MID1: variants seen among roughly 807,000 people sequenced by gnomAD.
MID1 encodes the protein E3 ubiquitin-protein ligase Midline-1.
In MID1, 7 loss-of-function variants were observed where a neutral mutation model predicts 40.4. The ratio of observed to expected loss-of-function variants is 0.17; its 90% confidence interval spans 0.10 to 0.33. The LOEUF (loss-of-function observed/expected upper bound fraction) is 0.33. Among genes scored for constraint, MID1 ranks in the 10% least tolerant of loss-of-function variants. The pLI, the probability that MID1 is intolerant of heterozygous loss-of-function variation, is 1.00. For missense variants in MID1, 367 were observed against 558.5 expected, an observed-to-expected ratio of 0.66 and a Z score of 3.46; for synonymous variants, 229 against 221.2, an observed-to-expected ratio of 1.04 and a Z score of -0.31.
At chrX:10,700,572 C>T (rs1278628706) in intron 1 of MID1, among the ~76,000 whole-genome samples, 7 of 111,328 alleles carry the variant, frequency 6.3e-5, no homozygotes, top group Middle Eastern at 4.6e-3. Context: ...AAAAAGAAGA[C>T]GATAGAATAA....
At chrX:10,822,268 T>C (rs2044180568) in intron 1 of MID1, among the ~76,000 whole-genome samples, 1 of 111,400 alleles carries the variant, frequency 9.0e-6, no homozygotes, top group African/African-American at 3.3e-5. Context: ...TAAATGGTGC[T>C]GGGAGAACTG....
intron 1 of MID1, among the ~76,000 whole-genome samples, chrX:10,702,142 A>G (rs189040981): frequency 6.0e-4 from 68 of 112,776 alleles, no homozygotes; most frequent in African/African-American, 2.1e-3. Context: ...AACTGTACCA[A>G]CTTGCCAAGA....
At chrX:10,468,121 C>T (rs1018804148) in intron 7 of MID1, among the ~76,000 whole-genome samples, 2 of 112,217 alleles carry the variant, frequency 1.8e-5, no homozygotes, top group Non-Finnish European at 3.8e-5. Context: ...CTTGACATTG[C>T]ATGACTTTCT....
chrX:10,516,837 A>C (rs1021929238), intron 3 of MID1, among the ~76,000 whole-genome samples: 4 of 109,401 alleles, frequency 3.7e-5, no homozygotes, highest in African/African-American at 1.3e-4. Context: ...GCTGTTATTG[A>C]ATCCTTGGGC....
intron 1 of MID1, among the ~76,000 whole-genome samples, chrX:10,822,822 A>G (rs2147160408): frequency 8.9e-6 from 1 of 111,905 alleles, no homozygotes; most frequent in African/African-American, 3.2e-5. Context: ...TCAAAGAACA[A>G]CAGATGCTGG....
chrX:10,449,805 A>C, intron 9 of MID1, 89 bp from the exon 10 acceptor site: 1 of 678,753 alleles, frequency 1.5e-6, no homozygotes, highest in Non-Finnish European at 2.4e-6. Context: ...GGGTTATAAA[A>C]ACATGATCAT....
chrX:10,537,280 C>G (rs960679872), intron 2 of MID1, among the ~76,000 whole-genome samples: 1 of 111,382 alleles, frequency 9.0e-6, no homozygotes, highest in Non-Finnish European at 1.9e-5. Flanking sequence ...AAAAATAATG[C>G]CCCCCCAACC....
intron 2 of MID1, chrX:10,565,161 T>G (rs904364147): frequency 6.1e-6 from 2 of 329,939 alleles, no homozygotes; most frequent in Admixed American, 3.1e-5. Context: ...TGCACTGTTC[T>G]GGAAAGCCTG....
In MID1 at chrX:10,555,229, T is replaced by C. The variant is rs745769759; in HGVS notation, c.660+11659A>G. Among the ~76,000 whole-genome samples, 299 of 112,136 alleles carry C rather than the reference T, an allele frequency of 2.7e-3. 1 individual carries two copies. The highest frequency in any genetic ancestry group is 9.2e-3 in the African/African-American group (284 of 30,890). On this transcript the variant is annotated intron_variant, in intron 2 of 9. Transcript: ENST00000317552. ...CATCCAGCCGGCTTTTTTCATGGATTGGAGTCTTCATATTTTGCCCTTACT... is the reference window on the plus strand; with the variant it reads ...CATCCAGCCGGCTTTTTTCATGGATCGGAGTCTTCATATTTTGCCCTTACT...
At chrX:10,576,144 T>TA (rs1335325363) in intron 1 of MID1, among the ~76,000 whole-genome samples, 1 of 111,266 alleles carries the variant, frequency 9.0e-6, no homozygotes, top group Non-Finnish European at 1.9e-5. Context: ...ATTATTTTTT[T>TA]ACCTCATATC....
intron 1 of MID1, among the ~76,000 whole-genome samples, chrX:10,777,845 A>T (rs1314606846): frequency 8.9e-6 from 1 of 112,067 alleles, no homozygotes; most frequent in Non-Finnish European, 1.9e-5. Flanking sequence ...TTAAAAATGA[A>T]GACAAACATG....
intron 1 of MID1, among the ~76,000 whole-genome samples, chrX:10,762,712 G>A (rs1402026133): frequency 9.0e-6 from 1 of 111,544 alleles, no homozygotes; most frequent in Non-Finnish European, 1.9e-5. Context: ...TAGGATTACA[G>A]GTGTGAGCCA....
intron 1 of MID1, among the ~76,000 whole-genome samples, chrX:10,678,673 A>G (rs1339913497): frequency 2.7e-5 from 3 of 112,181 alleles, no homozygotes; most frequent in Non-Finnish European, 5.6e-5. Flanking sequence ...TGTTTAATGA[A>G]TGCCTAAACT....
chrX:10,722,514 A>C (rs755800865), intron 1 of MID1, among the ~76,000 whole-genome samples: 1 of 112,339 alleles, frequency 8.9e-6, no homozygotes, highest in Non-Finnish European at 1.9e-5. Flanking sequence ...AAGCTACAAA[A>C]AATACCTTCC....
At chrX:10,470,533 A>G (rs1929647305) in intron 6 of MID1, among the ~76,000 whole-genome samples, 1 of 112,460 alleles carries the variant, frequency 8.9e-6, no homozygotes, top group Non-Finnish European at 1.9e-5. Flanking sequence ...TCGATGACTT[A>G]CATAAAAAAA....
chrX:10,661,957 A>G (rs2042916781), intron 1 of MID1, among the ~76,000 whole-genome samples: 1 of 112,435 alleles, frequency 8.9e-6, no homozygotes, highest in Non-Finnish European at 1.9e-5. Context: ...TACAATTCTC[A>G]TAAATCTGGA....
intron 7 of MID1, among the ~76,000 whole-genome samples, chrX:10,464,330 A>G (rs1929217380): frequency 8.9e-6 from 1 of 112,151 alleles, no homozygotes; most frequent in Admixed American, 9.5e-5. Context: ...TGCAAATAGC[A>G]CAGAAATCAA....
intron 3 of MID1, among the ~76,000 whole-genome samples, chrX:10,516,502 C>A (rs952760824): frequency 9.2e-6 from 1 of 108,535 alleles, no homozygotes; most frequent in African/African-American, 3.4e-5. Flanking sequence ...CCTGAAGTTG[C>A]TCTTTCAATG....
At chrX:10,771,606 C>G (rs111993142) in intron 1 of MID1, among the ~76,000 whole-genome samples, 2,211 of 107,528 alleles carry the variant, frequency 0.021, 77 homozygotes, top group African/African-American at 0.071. Flanking sequence ...ATTCTCCTGC[C>G]TCAGCCTCTC....
Sources: gnomAD v4.1 joint callset for allele counts (sites outside exome capture counted in the v4.1 genomes callset) on GRCh38, gnomAD v4.1.1 for gene constraint, MANE v1.5 for transcripts, NCBI Gene and HGNC (gene_info 2026-07-23, HGNC 2026-07-21) for gene names.